Variants in OTOG observed in about 807,000 individuals in gnomAD.
OTOG encodes otogelin.
OTOG carries 296 observed loss-of-function variants against 313.8 expected under a neutral mutation model. The ratio of observed to expected loss-of-function variants is 0.94; its 90% CI spans 0.86 to 1.04. The LOEUF (loss-of-function observed/expected upper bound fraction) is 1.04, where lower values mean the gene tolerates loss of function less well. OTOG is among the 50% of genes least tolerant of loss of function. OTOG has a pLI of 0.00. For missense variants in OTOG, 3,948 were observed against 3,840.1 expected (o/e 1.03, Z -0.74); for synonymous variants, 1,533 against 1,554.9 (o/e 0.99, Z 0.33).
intron 39 of OTOG, among the ~76,000 whole-genome samples, chr11:17,620,721 T>G (rs77916273): frequency 6.6e-6 from 1 of 152,202 alleles, no homozygotes; most frequent in Admixed American, 6.5e-5. Context: ...CATTTCTCTT[T>G]TGGGGACTTC....
chr11:17,613,362 T>TTCCTTCCC lies in OTOG; in HGVS notation c.6439-243_6439-242insCTCCTTCC, dbSNP rs1386660423. Among the ~76,000 whole-genome samples, 78 of 102,830 alleles carry TTCCTTCCC rather than the reference T, an allele frequency of 7.6e-4. 1 individual carries two copies. The highest frequency in any genetic ancestry group is 2.5e-3 in the African/African-American group (72 of 28,702). The allele number at this position is 102,830 out of a possible 152,430, so 67.5% of individuals were successfully genotyped here. A position where few individuals can be genotyped will look rare whatever the true frequency, so the allele number is the denominator to read the frequency against. ...CTTCCTTCCTTCCTTCCTTCCTTCC[T>TTCCTTCCC]TCCTTCCTTCCCTCCTTCCTTCCTT... On this transcript the variant is annotated intron_variant, in intron 38 of 55. Coordinates refer to ENST00000399397, the MANE Select transcript of OTOG (RefSeq NM_001292063.2).
At chr11:17,557,405 G>A in intron 8 of OTOG, 82 bp downstream of exon 8, 1 of 1,353,792 alleles carries the variant, frequency 7.4e-7, no homozygotes, top group Non-Finnish European at 1.0e-6. Flanking sequence ...GAGGGGACTT[G>A]GAACAGAGCC....
intron 42 of OTOG, 111 bp from the exon 43 acceptor site, chr11:17,633,569 G>A: frequency 2.0e-6 from 2 of 1,005,340 alleles, no homozygotes; most frequent in Non-Finnish European, 2.8e-6. Flanking sequence ...CTCTGCTGAG[G>A]TGCTGATGAC....
chr11:17,577,367 G>T (rs1259569077), intron 22 of OTOG, among the ~76,000 whole-genome samples: 1 of 142,558 alleles, frequency 7.0e-6, no homozygotes, highest in Admixed American at 6.8e-5. Flanking sequence ...GGATGGGGTG[G>T]AACAGTGGTC....
intron 39 of OTOG, among the ~76,000 whole-genome samples, chr11:17,619,991 T>A (rs1355064735): frequency 6.6e-6 from 1 of 152,268 alleles, no homozygotes; most frequent in Non-Finnish European, 1.5e-5. Context: ...CTTTCCTTCA[T>A]TTTTAAGAGA....
chr11:17,639,391 T>G, intron 48 of OTOG, 32 bp from the exon 49 acceptor site: 1 of 1,550,376 alleles, frequency 6.5e-7, no homozygotes, highest in Non-Finnish European at 8.7e-7. Context: ...ACATCCCTGA[T>G]GAAGTGGGGC....
Position 17,610,005 on chromosome 11 carries a change from T to A in OTOG, c.4705T>A (p.Ser1569Thr). 2 of 1,544,786 alleles carry A rather than the reference T, an allele frequency of 1.3e-6. No homozygotes were observed. Among genetic ancestry groups the A allele is most frequent in the Non-Finnish European group, 1.7e-6 (2 of 1,143,024 alleles). ...LAIPHTPESSSLPVALQTPTP... is the reference protein window; with the variant it reads ...LAIPHTPESSTLPVALQTPTP... ...CATCCCCCATACACCAGAGTCCTCA[T>A]CCCTCCCTGTTGCACTGCAGACACC... Residue 1569 changes from serine to threonine, a missense_variant, in exon 36 of 56, where the codon TCC becomes ACC. Ser to Thr is a moderately conservative substitution (Grantham distance 58). Coordinates refer to ENST00000399397, the MANE Select transcript of OTOG (RefSeq NM_001292063.2).
intron 15 of OTOG, among the ~76,000 whole-genome samples, chr11:17,562,364 A>G (rs1161549288): frequency 1.3e-5 from 2 of 151,980 alleles, no homozygotes; most frequent in Non-Finnish European, 2.9e-5. Flanking sequence ...AACATTTTAT[A>G]TTCCACAATT....
intron 4 of OTOG, 105 bp from the exon 5 acceptor site, chr11:17,553,014 C>T (rs1851976991): frequency 3.1e-6 from 3 of 979,330 alleles, no homozygotes; most frequent in South Asian, 1.5e-5. Flanking sequence ...GGGGCTGGGG[C>T]TGCCTGTTAT....
At chr11:17,559,187 G>T in intron 11 of OTOG, 26 bp downstream of exon 11, 1 of 1,500,418 alleles carries the variant, frequency 6.7e-7, no homozygotes, top group South Asian at 1.2e-5. Flanking sequence ...TAGTGGGGCA[G>T]GGAGGCCTTC....
intron 33 of OTOG, among the ~76,000 whole-genome samples, chr11:17,608,063 C>T (rs983192905): frequency 6.6e-6 from 1 of 152,118 alleles, no homozygotes; most frequent in African/African-American, 2.4e-5. Flanking sequence ...TGTCCTCAGT[C>T]CTTCCCTGTC....
Position 17,548,418 on chromosome 11 carries a change from C to CTTTTT in OTOG, c.216+240_216+244dup, listed in dbSNP as rs56402246. 1.8e-4 allele frequency among the ~76,000 whole-genome samples: 16 copies of CTTTTT among 87,622 alleles called. 1 individual carries two copies. Among genetic ancestry groups the CTTTTT allele is most frequent in the East Asian group, 2.9e-4 (1 of 3,402 alleles). 57.5% of individuals were successfully genotyped at this position (87,622 alleles called of 152,430 possible). On this transcript the variant is annotated intron_variant, in intron 3 of 55. Transcript: ENST00000399397. Reference sequence around the variant, plus strand: ...ATCTCTTGGGGGTCTATAGTCCACTCTTTTTTTTTTTTTTTTTTTTTTTTT... The same window carrying CTTTTT: ...ATCTCTTGGGGGTCTATAGTCCACTCTTTTTTTTTTTTTTTTTTTTTTTTTTTTTT...
rs1847899311 is a variant in OTOG, at chr11:17,638,451, T to G, written c.7796T>G (p.Val2599Gly). 2.6e-6 allele frequency: 4 copies of G among 1,547,108 alleles called. No homozygotes were observed. Among genetic ancestry groups the G allele is most frequent in the Non-Finnish European group, 3.5e-6 (4 of 1,146,358 alleles). The change falls in exon 48 of 56, where the codon GTG (valine) becomes GGG (glycine). Residue 2599 changes from valine (V) to glycine (G), a missense_variant and splice_region_variant. Transcript: ENST00000399397. Reference sequence around the variant, plus strand: ...GTCAACTGCCTCTCCTTCCCCACAGTGTGTGAGAACTTCCGCTGTCCCCAA... The same window carrying G: ...GTCAACTGCCTCTCCTTCCCCACAGGGTGTGAGAACTTCCGCTGTCCCCAA... ...TELCCPLYQCVCENFRCPQVQ... is the reference protein window; with the variant it reads ...TELCCPLYQCGCENFRCPQVQ...
At chr11:17,571,197 A>G (rs2134023993) in intron 17 of OTOG, among the ~76,000 whole-genome samples, 1 of 152,378 alleles carries the variant, frequency 6.6e-6, no homozygotes, top group East Asian at 1.9e-4. Context: ...AAACTGTGGC[A>G]TTCTACTATG....
intron 23 of OTOG, among the ~76,000 whole-genome samples, chr11:17,580,044 A>G (rs1489744195): frequency 1.3e-5 from 2 of 152,204 alleles, no homozygotes; most frequent in Non-Finnish European, 2.9e-5. Flanking sequence ...AAGATGCCCA[A>G]CCATCCTTAA....
chr11:17,576,692 C>T (rs1052942308), intron 21 of OTOG, 62 bp downstream of exon 21: 9 of 1,482,474 alleles, frequency 6.1e-6, no homozygotes, highest in Admixed American at 3.9e-5. Context: ...TGACTGAAGA[C>T]AGTGCAGCTG....
intron 33 of OTOG, among the ~76,000 whole-genome samples, chr11:17,607,974 C>T (rs1325981819): frequency 6.6e-6 from 1 of 152,086 alleles, no homozygotes; most frequent in African/African-American, 2.4e-5. Flanking sequence ...GATCAGGGGT[C>T]CAGGCCTCTT....
intron 39 of OTOG, among the ~76,000 whole-genome samples, chr11:17,619,724 A>G (rs992473322): frequency 1.4e-4 from 21 of 152,282 alleles, no homozygotes; most frequent in African/African-American, 4.1e-4. Flanking sequence ...ATTTACTTCT[A>G]TAATTATTAT....
chr11:17,569,532 T>C (rs905956040), intron 16 of OTOG, among the ~76,000 whole-genome samples: 1 of 152,206 alleles, frequency 6.6e-6, no homozygotes, highest in Non-Finnish European at 1.5e-5. Context: ...AACATATACA[T>C]GGGTGTTTCC....
Sources: gnomAD v4.1 joint callset for allele counts (sites outside exome capture counted in the v4.1 genomes callset) on GRCh38, gnomAD v4.1.1 for gene constraint, MANE v1.5 for transcripts, NCBI Gene and HGNC (gene_info 2026-07-23, HGNC 2026-07-21) for gene names.